The following CYP7B1 variants were observed in gnomAD, a reference collection of about 807,000 sequenced individuals.
CYP7B1 encodes the protein cytochrome P450 family 7 subfamily B member 1.
A neutral mutation model predicts 42.7 loss-of-function variants in CYP7B1; 29 were observed. The ratio of observed to expected loss-of-function variants is 0.68; its 90% CI spans 0.51 to 0.93. The LOEUF is 0.93. Among genes scored for constraint, CYP7B1 ranks in the 40% least tolerant of loss-of-function variants. The pLI is 0.00. For synonymous variants in CYP7B1, 235 were observed against 218.2 expected, an observed-to-expected ratio of 1.08 and a Z score of -0.68; for missense variants, 655 against 600.5, an observed-to-expected ratio of 1.09 and a Z score of -0.95.
At chr8:64,601,884 C>T (rs1805210020) in intron 5 of CYP7B1, among the ~76,000 whole-genome samples, 1 of 152,224 alleles carries the variant, frequency 6.6e-6, no homozygotes, top group Non-Finnish European at 1.5e-5. Flanking sequence ...TCTCCTTTTG[C>T]CATAGTTCTT....
intron 1 of CYP7B1, among the ~76,000 whole-genome samples, chr8:64,689,192 A>G (rs1173589823): frequency 6.6e-6 from 1 of 152,266 alleles, no homozygotes; most frequent in Non-Finnish European, 1.5e-5. Flanking sequence ...CACTGTTTAA[A>G]GGAATAATGA....
chr8:64,655,078 A>G (rs533273541), intron 1 of CYP7B1, among the ~76,000 whole-genome samples: 1 of 152,266 alleles, frequency 6.6e-6, no homozygotes, highest in East Asian at 1.9e-4. Context: ...CTGGAAGACA[A>G]CCTAGGCAAT....
chr8:64,733,751 A>G (rs1175435405), intron 1 of CYP7B1, among the ~76,000 whole-genome samples: 2 of 152,126 alleles, frequency 1.3e-5, no homozygotes, highest in African/African-American at 4.8e-5. Flanking sequence ...CAGGGGGATC[A>G]CTTGAGGCCA....
chr8:64,796,480 T>C (rs1000187889), intron 1 of CYP7B1, among the ~76,000 whole-genome samples: 1 of 152,206 alleles, frequency 6.6e-6, no homozygotes, highest in Non-Finnish European at 1.5e-5. Flanking sequence ...AATACCAGTA[T>C]TGGCAGAATG....
intron 1 of CYP7B1, among the ~76,000 whole-genome samples, chr8:64,709,634 T>C (rs1029456877): frequency 6.6e-6 from 1 of 152,174 alleles, no homozygotes; most frequent in Non-Finnish European, 1.5e-5. Context: ...AAGAAAGAAA[T>C]AGTTCTCAAA....
At chr8:64,680,955 T>C (rs1302074611) in intron 1 of CYP7B1, among the ~76,000 whole-genome samples, 3 of 152,148 alleles carry the variant, frequency 2.0e-5, no homozygotes, top group Admixed American at 6.5e-5. Flanking sequence ...CCAAAATTAC[T>C]TTCCTTGTTT....
chr8:64,618,495 C>A (rs1285299086), intron 2 of CYP7B1, among the ~76,000 whole-genome samples: 1 of 151,990 alleles, frequency 6.6e-6, no homozygotes, highest in Middle Eastern at 3.4e-3. Context: ...TGTTATTGGG[C>A]CTACTGAAGT....
intron 1 of CYP7B1, among the ~76,000 whole-genome samples, chr8:64,775,306 G>A (rs1804305769): frequency 6.6e-6 from 1 of 152,136 alleles, no homozygotes; most frequent in Non-Finnish European, 1.5e-5. Flanking sequence ...GGCAGTCTAA[G>A]AGGAATTCCA....
intron 1 of CYP7B1, among the ~76,000 whole-genome samples, chr8:64,743,531 G>A (rs1021231354): frequency 6.6e-6 from 1 of 152,088 alleles, no homozygotes; most frequent in Non-Finnish European, 1.5e-5. Flanking sequence ...CAAGATCAAG[G>A]TGTCAACAGG....
At chr8:64,720,261 C>G (rs1807217384) in intron 1 of CYP7B1, among the ~76,000 whole-genome samples, 1 of 151,998 alleles carries the variant, frequency 6.6e-6, no homozygotes, top group South Asian at 2.1e-4. Flanking sequence ...TGGTTGTTGC[C>G]AATTGTTTAC....
At chr8:64,614,562 G>A (rs942339210) in intron 4 of CYP7B1, among the ~76,000 whole-genome samples, 2 of 151,106 alleles carry the variant, frequency 1.3e-5, no homozygotes, top group Admixed American at 1.3e-4. Context: ...CTGTGTTTTT[G>A]AGAATCACAC....
Position 64,616,294 on chromosome 8 carries a change from AAAGAG to A in CYP7B1, c.260-18_260-14del. ...GTTATGTACTTTCCTAGAAAAAAAA[AAAGAG>A]AGAGAAAATATGAGTTCGTTTGTTA... On this transcript the variant is annotated splice_polypyrimidine_tract_variant and intron_variant, in intron 2 of 5. Coordinates refer to ENST00000310193, the MANE Select transcript of CYP7B1 (RefSeq NM_004820.5). The A allele has an allele frequency of 6.7e-7, 1 of 1,486,404 alleles. No individual in the cohort carries two copies. The highest frequency in any genetic ancestry group is 9.2e-7 in the Non-Finnish European group (1 of 1,082,210). 92.1% of individuals were successfully genotyped at this position (1,486,404 alleles called of 1,614,324 possible). A position where few individuals can be genotyped will look rare whatever the true frequency, so the allele number is the denominator to read the frequency against.
intron 1 of CYP7B1, among the ~76,000 whole-genome samples, chr8:64,717,316 G>A (rs1402309418): frequency 6.6e-6 from 1 of 152,116 alleles, no homozygotes; most frequent in African/African-American, 2.4e-5. Context: ...TGTTGTCACT[G>A]CTAATTTTCC....
intron 1 of CYP7B1, among the ~76,000 whole-genome samples, chr8:64,694,416 C>A (rs1274518903): frequency 1.3e-5 from 2 of 152,082 alleles, no homozygotes; most frequent in East Asian, 3.9e-4. Context: ...TGGCCTTGCT[C>A]TAGATAAGGA....
At chr8:64,600,452 T>C (rs1237948735) in intron 5 of CYP7B1, among the ~76,000 whole-genome samples, 3 of 152,204 alleles carry the variant, frequency 2.0e-5, no homozygotes, top group African/African-American at 7.2e-5. Context: ...ATTTTGGGTA[T>C]GGGAATATAA....
At chr8:64,657,703 C>G (rs1806142347) in intron 1 of CYP7B1, among the ~76,000 whole-genome samples, 1 of 152,160 alleles carries the variant, frequency 6.6e-6, no homozygotes. Flanking sequence ...AACAAAACAT[C>G]ACCTGTAATC....
intron 1 of CYP7B1, among the ~76,000 whole-genome samples, chr8:64,743,200 C>T (rs1208111497): frequency 6.6e-6 from 1 of 152,010 alleles, no homozygotes; most frequent in Non-Finnish European, 1.5e-5. Context: ...CTGGGGTTTC[C>T]CAGAGGGCTC....
At chr8:64,716,803 G>A (rs1807162012) in intron 1 of CYP7B1, among the ~76,000 whole-genome samples, 1 of 152,164 alleles carries the variant, frequency 6.6e-6, no homozygotes, top group African/African-American at 2.4e-5. Flanking sequence ...GGTGTTGGTT[G>A]CAGTGTTCTC....
chr8:64,735,634 T>C (rs1585885057), intron 1 of CYP7B1, among the ~76,000 whole-genome samples: 1 of 152,316 alleles, frequency 6.6e-6, no homozygotes, highest in South Asian at 2.1e-4. Context: ...TCTATTTGTT[T>C]TTATCTTATT....
Sources: allele counts gnomAD v4.1 joint callset (sites outside exome capture counted in the v4.1 genomes callset), GRCh38; gene constraint gnomAD v4.1.1; transcripts MANE v1.5; gene names NCBI Gene and HGNC (gene_info 2026-07-23, HGNC 2026-07-21).